Variants in TMPRSS12 observed in about 807,000 individuals in gnomAD.
The protein encoded by TMPRSS12 is transmembrane protease serine 12.
In TMPRSS12, 25 loss-of-function variants were observed where a neutral mutation model predicts 26.0. The observed-to-expected ratio is 0.96, with a 90% confidence interval of 0.70 to 1.34. The LOEUF (loss-of-function observed/expected upper bound fraction) is 1.34, where lower values mean the gene tolerates loss of function less well. Among genes scored for constraint, TMPRSS12 ranks in the 40% most tolerant of loss-of-function variants. The pLI, the probability that TMPRSS12 is intolerant of heterozygous loss-of-function variation, is 0.00. For synonymous variants in TMPRSS12, 150 were observed against 161.7 expected (o/e 0.93, Z 0.55); for missense variants, 441 against 440.1 (o/e 1.00, Z -0.02).
chr12:50,868,823 T>G (rs1348310124), intron 3 of TMPRSS12, among the ~76,000 whole-genome samples: 2 of 152,130 alleles, frequency 1.3e-5, no homozygotes, highest in Admixed American at 1.3e-4. Context: ...GGAATAAAAT[T>G]GGAAATCAAC....
intron 1 of TMPRSS12, 38 bp downstream of exon 1, chr12:50,843,189 T>C (rs1937731159): frequency 1.3e-6 from 2 of 1,505,238 alleles, no homozygotes; most frequent in Non-Finnish European, 1.8e-6. Context: ...GGAGCCTCTC[T>C]TACCTTTTCC....
chr12:50,859,131 C>A lies in TMPRSS12; in HGVS notation c.652+78C>A, dbSNP rs547581250. The stretch of plus-strand genomic sequence containing the variant: ...GAAGGTCAAACCTTTTATATACATT[C>A]ATGTGCCACATAATGACATTTAAGT... On this transcript the variant is annotated intron_variant, in intron 3 of 4. Transcript: ENST00000398458. 13 of 1,275,364 alleles carry A rather than the reference C, an allele frequency of 1.0e-5. No individual in the cohort carries two copies. The African/African-American group carries it at 1.9e-4, about 19-fold the overall frequency. The allele number at this position is 1,275,364 out of a possible 1,614,324, so 79.0% of individuals were successfully genotyped here. A position where few individuals can be genotyped will look rare whatever the true frequency, so the allele number is the denominator to read the frequency against.
chr12:50,870,784 C>CAA (rs56252545), intron 3 of TMPRSS12, among the ~76,000 whole-genome samples: 46,570 of 151,104 alleles, frequency 0.31, 7,233 homozygotes, highest in East Asian at 0.44. Flanking sequence ...GTACACAAAT[C>CAA]AGTAGCTCTC....
chr12:50,856,287 C>G (rs1937876906), intron 2 of TMPRSS12, among the ~76,000 whole-genome samples: 1 of 152,182 alleles, frequency 6.6e-6, no homozygotes, highest in Admixed American at 6.5e-5. Context: ...GCTCCTGTTC[C>G]CCTTTCCCCT....
At chr12:50,860,589 C>T (rs1056148246) in intron 3 of TMPRSS12, among the ~76,000 whole-genome samples, 3 of 151,828 alleles carry the variant, frequency 2.0e-5, no homozygotes, top group Admixed American at 6.6e-5. Context: ...CTTTTTAAAA[C>T]GTATTATGTA....
chr12:50,876,434 A>G (rs1938113220), intron 3 of TMPRSS12, among the ~76,000 whole-genome samples: 3 of 152,156 alleles, frequency 2.0e-5, no homozygotes, highest in Non-Finnish European at 4.4e-5. Flanking sequence ...TACCAAAAAG[A>G]CGCATGCACT....
At position 50,872,854 on chromosome 12, in the gene TMPRSS12, ATATATATGAC is replaced by A. The variant is rs1297226728; in HGVS notation, c.653-12383_653-12374del. Among the ~76,000 whole-genome samples, 2 of 84,420 alleles carry A rather than the reference ATATATATGAC, an allele frequency of 2.4e-5. 1 individual carries two copies. Among genetic ancestry groups the A allele is most frequent in the African/African-American group, 7.3e-5 (2 of 27,422 alleles). The allele number at this position is 84,420 out of a possible 152,430, so 55.4% of individuals were successfully genotyped here. On this transcript the variant is annotated intron_variant, in intron 3 of 4. Transcript: ENST00000398458. ...ATATATATGACGTCTATATATGTAC[ATATATATGAC>A]TATATATGTACATATATATGACGTA...
At chr12:50,884,878 T>TA (rs368787852) in intron 3 of TMPRSS12, among the ~76,000 whole-genome samples, 33,919 of 133,364 alleles carry the variant, frequency 0.25, 3,990 homozygotes, top group East Asian at 0.43. Flanking sequence ...TCTCAAAAAT[T>TA]AAAAAAAAAA....
At chr12:50,860,090 G>A (rs764974267) in intron 3 of TMPRSS12, among the ~76,000 whole-genome samples, 23 of 152,326 alleles carry the variant, frequency 1.5e-4, no homozygotes, top group Admixed American at 1.3e-3. Flanking sequence ...TGAACGTTAA[G>A]ATAGAATGAT....
At chr12:50,865,728 T>C (rs1435946241) in intron 3 of TMPRSS12, among the ~76,000 whole-genome samples, 1 of 150,764 alleles carries the variant, frequency 6.6e-6, no homozygotes, top group African/African-American at 2.4e-5. Context: ...ATCTGAAATG[T>C]AGCCAGAGAT....
intron 2 of TMPRSS12, among the ~76,000 whole-genome samples, chr12:50,852,369 CA>C (rs1565931048): frequency 6.6e-6 from 1 of 151,980 alleles, no homozygotes; most frequent in Non-Finnish European, 1.5e-5. Flanking sequence ...AAATGGAAAA[CA>C]AAAAAGAGCA....
At chr12:50,865,485 G>C (rs920026515) in intron 3 of TMPRSS12, among the ~76,000 whole-genome samples, 1 of 152,086 alleles carries the variant, frequency 6.6e-6, no homozygotes, top group African/African-American at 2.4e-5. Flanking sequence ...GGTATAAGAA[G>C]GATAGAATGA....
intron 3 of TMPRSS12, among the ~76,000 whole-genome samples, chr12:50,862,273 A>T (rs1937944199): frequency 6.6e-6 from 1 of 152,200 alleles, no homozygotes; most frequent in South Asian, 2.1e-4. Flanking sequence ...GAGGGAGAAT[A>T]CATAGGTTAA....
At chr12:50,879,137 A>C (rs1396961495) in intron 3 of TMPRSS12, among the ~76,000 whole-genome samples, 1 of 152,214 alleles carries the variant, frequency 6.6e-6, no homozygotes, top group Non-Finnish European at 1.5e-5. Context: ...TAGCAGCACA[A>C]AGAGACTTAG....
chr12:50,864,669 G>A (rs1029190855), intron 3 of TMPRSS12, among the ~76,000 whole-genome samples: 5 of 151,986 alleles, frequency 3.3e-5, no homozygotes, highest in African/African-American at 1.2e-4. Context: ...GTTTTGTTTT[G>A]TTTTTTTGAG....
chr12:50,887,632 C>CA lies in TMPRSS12; in HGVS notation c.*120dup. 1 of 1,284,696 alleles carries CA rather than the reference C, an allele frequency of 7.8e-7. No homozygotes were observed. The highest frequency in any genetic ancestry group is 1.1e-6 in the Non-Finnish European group (1 of 940,622). The allele number at this position is 1,284,696 out of a possible 1,614,324, so 79.6% of individuals were successfully genotyped here. ...GCCTACATTAGAGATTTCATGTGAACATTTTATGGGCTATAAGTATTGTGA... is the reference window on the plus strand; with the variant it reads ...GCCTACATTAGAGATTTCATGTGAACAATTTTATGGGCTATAAGTATTGTGA... On this transcript the variant is annotated 3_prime_UTR_variant, in exon 5 of 5. Transcript: ENST00000398458.
intron 4 of TMPRSS12, chr12:50,885,798 G>A: frequency 1.1e-5 from 4 of 368,402 alleles, no homozygotes; most frequent in Non-Finnish European, 1.9e-5. Flanking sequence ...TGGAATTACA[G>A]GCACACATCA....
At position 50,844,131 on chromosome 12, in the gene TMPRSS12, T is replaced by C. The variant is rs1937745900; in HGVS notation, c.383+94T>C. On this transcript the variant is annotated intron_variant, in intron 2 of 4. Coordinates refer to ENST00000398458, the MANE Select transcript of TMPRSS12 (RefSeq NM_182559.3). ...ACTTCAGCCATTTTCAGCTAAGCTA[T>C]GTTTGCAAATAGCCATAATGCCTTA... 3.5e-6 allele frequency: 4 copies of C among 1,140,258 alleles called. No individual in the cohort carries two copies. In the South Asian group the frequency reaches 7.0e-5, roughly 20 times the overall value. The allele number at this position is 1,140,258 out of a possible 1,614,324, so 70.6% of individuals were successfully genotyped here.
intron 3 of TMPRSS12, among the ~76,000 whole-genome samples, chr12:50,867,069 A>G (rs1937998079): frequency 6.6e-6 from 1 of 152,182 alleles, no homozygotes; most frequent in African/African-American, 2.4e-5. Context: ...CGACAAAACA[A>G]GGCTCTTTAA....
Sources: allele counts gnomAD v4.1 joint callset (sites outside exome capture counted in the v4.1 genomes callset), GRCh38; gene constraint gnomAD v4.1.1; transcripts MANE v1.5; gene names NCBI Gene and HGNC (gene_info 2026-07-23, HGNC 2026-07-21).